CCDC149: variants seen among roughly 807,000 people sequenced by gnomAD.
CCDC149 encodes the protein coiled-coil domain-containing protein 149.
A neutral mutation model predicts 59.9 loss-of-function variants in CCDC149; 45 were observed. That is an observed-to-expected ratio of 0.75 (90% confidence interval 0.59 to 0.96). The LOEUF is 0.96. Among genes scored for constraint, CCDC149 ranks in the 40% least tolerant of loss-of-function variants. The probability of loss-of-function intolerance (pLI) is 0.00; values close to 1 mark genes in which losing one functional copy is unlikely to be tolerated. For synonymous variants in CCDC149, 245 were observed against 260.6 expected (o/e 0.94, Z 0.58); for missense variants, 584 against 664.7 (o/e 0.88, Z 1.33).
intron 4 of CCDC149, among the ~76,000 whole-genome samples, chr4:24,845,962 A>T (rs1717261529): frequency 6.6e-6 from 1 of 152,216 alleles, no homozygotes; most frequent in Non-Finnish European, 1.5e-5. Context: ...TAATTTGGAT[A>T]TGGTGTATGA....
upstream of CCDC149, among the ~76,000 whole-genome samples, chr4:24,914,867 C>A (rs917698999): frequency 6.6e-6 from 1 of 152,160 alleles, no homozygotes; most frequent in African/African-American, 2.4e-5. Flanking sequence ...GAAAATTTTA[C>A]AACGGACTGG....
intron 1 of CCDC149, among the ~76,000 whole-genome samples, chr4:24,966,545 C>T (rs1473997637): frequency 1.3e-5 from 2 of 152,148 alleles, no homozygotes; most frequent in Admixed American, 6.5e-5. Flanking sequence ...GAAGATGCTC[C>T]ACCCACAGTG....
At chr4:24,848,017 G>A (rs975665633) in intron 4 of CCDC149, among the ~76,000 whole-genome samples, 2 of 152,072 alleles carry the variant, frequency 1.3e-5, no homozygotes, top group African/African-American at 2.4e-5. Context: ...GAGGTCAACC[G>A]TGGTCTGGAA....
chr4:24,926,197 G>GA (rs1211210088), intron 1 of CCDC149, among the ~76,000 whole-genome samples: 29 of 151,334 alleles, frequency 1.9e-4, no homozygotes, highest in Admixed American at 7.9e-4. Context: ...ACTCCATCTC[G>GA]AAAAAAAAGA....
At chr4:24,864,768 T>C (rs1177766609) in intron 3 of CCDC149, among the ~76,000 whole-genome samples, 2 of 152,244 alleles carry the variant, frequency 1.3e-5, no homozygotes, top group Non-Finnish European at 2.9e-5. Context: ...CAGTTGATCC[T>C]TGAACAACAC....
At chr4:24,842,369 G>A (rs1003994215) in intron 4 of CCDC149, among the ~76,000 whole-genome samples, 2 of 152,078 alleles carry the variant, frequency 1.3e-5, no homozygotes, top group Non-Finnish European at 2.9e-5. Context: ...CAGAGCTCCC[G>A]AGCCAACCTT....
intron 1 of CCDC149, among the ~76,000 whole-genome samples, chr4:24,977,840 C>G (rs75550792): frequency 0.013 from 1,932 of 152,306 alleles, 25 homozygotes; most frequent in Non-Finnish European, 0.017. Context: ...TGCTATAAAT[C>G]TATGCTACCT....
chr4:24,945,430 T>C (rs927232559), intron 1 of CCDC149, among the ~76,000 whole-genome samples: 3 of 151,936 alleles, frequency 2.0e-5, no homozygotes, highest in Non-Finnish European at 4.4e-5. Flanking sequence ...ATCTCTAAGC[T>C]AAGGAAAACC....
chr4:24,825,006 T>A (rs1401930589), intron 9 of CCDC149, among the ~76,000 whole-genome samples: 3 of 152,196 alleles, frequency 2.0e-5, no homozygotes, highest in Admixed American at 6.5e-5. Flanking sequence ...GAACCTGGTA[T>A]GACGCAGCCC....
chr4:24,921,635 A>G (rs1722297687), intron 1 of CCDC149, among the ~76,000 whole-genome samples: 1 of 152,082 alleles, frequency 6.6e-6, no homozygotes, highest in South Asian at 2.1e-4. Context: ...TTCAGAACTA[A>G]TGTACCTGCC....
At chr4:24,890,482 A>G (rs944673310) in intron 1 of CCDC149, among the ~76,000 whole-genome samples, 2 of 152,224 alleles carry the variant, frequency 1.3e-5, no homozygotes, top group African/African-American at 4.8e-5. Context: ...CTATAGAATT[A>G]CTTACGTGAG....
chr4:24,887,028 G>A (rs77768985), intron 1 of CCDC149, among the ~76,000 whole-genome samples: 2,883 of 151,908 alleles, frequency 0.019, 91 homozygotes, highest in African/African-American at 0.066. Context: ...CTCATTTGTC[G>A]ATGTTAATTC....
chr4:24,912,889 G>T lies in CCDC149; in HGVS notation c.-10C>A. ...TGGCCTCCTCCTCCATGCGCTGGCC[G>T]GCCTCCTGGACCCCCGCCGCCTCCT... On this transcript the variant is annotated 5_prime_UTR_variant, in exon 1 of 13. Coordinates refer to ENST00000635206, the MANE Select transcript of CCDC149 (RefSeq NM_001330643.2). The T allele has an allele frequency of 7.4e-7, 1 of 1,343,874 alleles. No individual in the cohort carries two copies. The allele number at this position is 1,343,874 out of a possible 1,614,324, so 83.2% of individuals were successfully genotyped here.
chr4:24,898,294 G>C (rs1340308582), intron 1 of CCDC149, among the ~76,000 whole-genome samples: 1 of 152,132 alleles, frequency 6.6e-6, no homozygotes, highest in Non-Finnish European at 1.5e-5. Flanking sequence ...GACACAGGTA[G>C]GTACTGTCAT....
intron 1 of CCDC149, among the ~76,000 whole-genome samples, chr4:24,951,790 G>GA (rs150751767): frequency 0.026 from 3,930 of 152,246 alleles, 170 homozygotes; most frequent in African/African-American, 0.09. Flanking sequence ...AGGCCTTTCA[G>GA]AAAGAAGTGC....
At chr4:24,956,884 C>CT (rs1723481856) in intron 1 of CCDC149, among the ~76,000 whole-genome samples, 1 of 152,232 alleles carries the variant, frequency 6.6e-6, no homozygotes, top group South Asian at 2.1e-4. Context: ...TGACCTGAGG[C>CT]TTTTAGCTTG....
intron 1 of CCDC149, among the ~76,000 whole-genome samples, chr4:24,891,960 C>T (rs1402309914): frequency 6.6e-6 from 1 of 152,082 alleles, no homozygotes; most frequent in Non-Finnish European, 1.5e-5. Context: ...GATCATGCCA[C>T]TGCATTCCAG....
intron 1 of CCDC149, among the ~76,000 whole-genome samples, chr4:24,905,236 C>T (rs4481227): frequency 0.79 from 120,329 of 151,382 alleles, 48,394 homozygotes; most frequent in Non-Finnish European, 0.86. Flanking sequence ...CTTTTATATT[C>T]TGGATACTAG....
At chr4:24,886,252 G>A (rs886433848) in intron 1 of CCDC149, among the ~76,000 whole-genome samples, 5 of 152,204 alleles carry the variant, frequency 3.3e-5, no homozygotes, top group Non-Finnish European at 7.3e-5. Context: ...AGACACAGGT[G>A]GGCAGCAAGG....
Sources: allele counts gnomAD v4.1 joint callset (sites outside exome capture counted in the v4.1 genomes callset), GRCh38; gene constraint gnomAD v4.1.1; transcripts MANE v1.5; gene names NCBI Gene and HGNC (gene_info 2026-07-23, HGNC 2026-07-21).